The following LRRC7 variants were observed in gnomAD, a reference collection of about 807,000 sequenced individuals.
LRRC7 encodes the protein leucine rich repeat containing 7, also known as leucine-rich repeat-containing protein 7.
A neutral mutation model predicts 175.7 loss-of-function variants in LRRC7; 23 were observed. That is an observed-to-expected ratio of 0.13 (90% CI 0.09 to 0.19). LRRC7 has a LOEUF of 0.19. Ranked by LOEUF, LRRC7 falls within the 10% of genes least tolerant of loss-of-function variation. The probability of loss-of-function intolerance (pLI) is 1.00; values close to 1 mark genes in which losing one functional copy is unlikely to be tolerated. For synonymous variants in LRRC7, 685 were observed against 680.9 expected (o/e 1.01, Z -0.09); for missense variants, 1,354 against 1,904.7 (o/e 0.71, Z 5.38).
intron 4 of LRRC7, among the ~76,000 whole-genome samples, chr1:69,822,412 C>A (rs185161632): frequency 1.3e-5 from 2 of 152,310 alleles, no homozygotes; most frequent in Admixed American, 1.3e-4. Context: ...TGGTGGTCCA[C>A]AGGTGAGGCA....
chr1:70,133,224 TTTTG>T lies in LRRC7; in HGVS notation c.*11347_*11350del, dbSNP rs1666745367. On this transcript the variant is annotated 3_prime_UTR_variant, in exon 27 of 27. Transcript: ENST00000651989. Reference sequence around the variant, plus strand: ...GATTTTTGTTGTTGTCGTGGGTGTTTTTTGTTTGTTTGTATTGAGACAGTGTCGC... The same window carrying T: ...GATTTTTGTTGTTGTCGTGGGTGTTTTTTGTTTGTATTGAGACAGTGTCGC... Among the ~76,000 whole-genome samples, 1 of 151,976 alleles carries T rather than the reference TTTTG, an allele frequency of 6.6e-6. No homozygotes were observed. Among genetic ancestry groups the T allele is most frequent in the Non-Finnish European group, 1.5e-5 (1 of 68,000 alleles).
intron 1 of LRRC7, among the ~76,000 whole-genome samples, chr1:69,661,526 G>C (rs1484488352): frequency 6.6e-6 from 1 of 152,096 alleles, no homozygotes. Context: ...AAAAAATGCT[G>C]AATATCTTTT....
chr1:69,597,570 T>C (rs555237392), intron 1 of LRRC7, among the ~76,000 whole-genome samples: 27 of 152,280 alleles, frequency 1.8e-4, no homozygotes, highest in African/African-American at 6.3e-4. Context: ...ATCTTCCAGA[T>C]GGAATTTGAA....
rs1243980887 is a variant in LRRC7, at chr1:70,098,876, A to G, written c.4546-8876A>G. Among the ~76,000 whole-genome samples the G allele has an allele frequency of 3.9e-5, 6 of 152,170 alleles. No individual in the cohort carries two copies. In the South Asian group the frequency reaches 6.2e-4, roughly 16 times the overall value. ...TCCAGGACCAGATGGATTCACAGCC[A>G]AATTCTACCAGAGGTACACGGAGGA... is the stretch of plus-strand genomic sequence containing the variant. On this transcript the variant is annotated intron_variant, in intron 25 of 26. Transcript: ENST00000651989.
At chr1:70,016,103 A>G (rs373449781) in intron 13 of LRRC7, among the ~76,000 whole-genome samples, 1 of 152,158 alleles carries the variant, frequency 6.6e-6, no homozygotes, top group South Asian at 2.1e-4. Flanking sequence ...GGATTCAGTA[A>G]AGTGAAGTAA....
chr1:69,826,272 T>C (rs1055732643), intron 5 of LRRC7, among the ~76,000 whole-genome samples: 3 of 152,114 alleles, frequency 2.0e-5, no homozygotes, highest in Non-Finnish European at 4.4e-5. Context: ...AAAGTACTTG[T>C]ATACCAGAGA....
intron 25 of LRRC7, among the ~76,000 whole-genome samples, chr1:70,104,180 A>G (rs996755022): frequency 6.6e-6 from 1 of 152,254 alleles, no homozygotes; most frequent in African/African-American, 2.4e-5. Flanking sequence ...GAATACAAAC[A>G]GACTGATTAT....
At chr1:70,034,834 GT>G in intron 18 of LRRC7, among the ~76,000 whole-genome samples, 1 of 152,218 alleles carries the variant, frequency 6.6e-6, no homozygotes, top group South Asian at 2.1e-4. Flanking sequence ...ATATACCCAG[GT>G]TTTTCAGGCA....
intron 1 of LRRC7, among the ~76,000 whole-genome samples, chr1:69,666,224 G>A (rs227122): frequency 0.67 from 101,384 of 151,956 alleles, 34,252 homozygotes; most frequent in African/African-American, 0.76. Flanking sequence ...AATTTGGTTC[G>A]CTAGTATTTT....
At chr1:70,088,324 A>G (rs1455185906) in intron 24 of LRRC7, among the ~76,000 whole-genome samples, 1 of 152,164 alleles carries the variant, frequency 6.6e-6, no homozygotes, top group African/African-American at 2.4e-5. Flanking sequence ...TGGGAGGCCA[A>G]GGTGGGAGAA....
chr1:69,675,795 C>T (rs917027599), intron 1 of LRRC7, among the ~76,000 whole-genome samples: 5 of 152,052 alleles, frequency 3.3e-5, no homozygotes, highest in African/African-American at 9.7e-5. Flanking sequence ...CCCCGCCCCC[C>T]ACACGCACAC....
At chr1:69,792,639 CCTAA>C (rs1252320835) in intron 4 of LRRC7, among the ~76,000 whole-genome samples, 1 of 152,102 alleles carries the variant, frequency 6.6e-6, no homozygotes, top group Admixed American at 6.5e-5. Context: ...TATATTTTCT[CCTAA>C]CTGAGAATGT....
intron 26 of LRRC7, among the ~76,000 whole-genome samples, chr1:70,115,113 T>C (rs955126895): frequency 7.9e-5 from 12 of 152,192 alleles, no homozygotes; most frequent in African/African-American, 2.7e-4. Flanking sequence ...ACATATGCCA[T>C]AGTAAACTGT....
intron 3 of LRRC7, among the ~76,000 whole-genome samples, chr1:69,780,995 A>G (rs919842345): frequency 3.3e-5 from 5 of 152,160 alleles, no homozygotes; most frequent in Admixed American, 2.6e-4. Flanking sequence ...AGCTAATTTT[A>G]TTTTTTCTAA....
chr1:69,753,013 T>A (rs1417441), intron 2 of LRRC7, among the ~76,000 whole-genome samples: 109,395 of 152,014 alleles, frequency 0.72, 39,729 homozygotes, highest in East Asian at 0.92. Flanking sequence ...AATACTGCAT[T>A]TAAAGCAATG....
chr1:69,678,394 A>G lies in LRRC7; in HGVS notation c.16A>G (p.Ile6Val). 6.3e-7 allele frequency: 1 copy of G among 1,596,454 alleles called. No individual in the cohort carries two copies. Among genetic ancestry groups the G allele is most frequent in the Non-Finnish European group, 8.5e-7 (1 of 1,171,050 alleles). ...TCTCTCTTATAGGATGGAGAACCTA[A>G]TAAGGGGAAGGAATCCCCCGCAATA... is the stretch of plus-strand genomic sequence containing the variant. Reference protein sequence around the residue: MMENLIRGRNPPQYQR... With the variant: MMENLVRGRNPPQYQR... Residue 6 changes from isoleucine (I) to valine (V), a missense_variant, in exon 2 of 27, where the codon ATA becomes GTA. Ile to Val is a conservative substitution (Grantham distance 29). Coordinates refer to ENST00000651989, the MANE Select transcript of LRRC7 (RefSeq NM_001370785.2).
intron 26 of LRRC7, among the ~76,000 whole-genome samples, chr1:70,109,082 C>T (rs1042751698): frequency 5.3e-5 from 8 of 152,120 alleles, no homozygotes; most frequent in Non-Finnish European, 1.2e-4. Flanking sequence ...AGTGCAATGG[C>T]ACGATCTCGG....
rs374568190 is a variant in LRRC7 at position 69,825,710 on chromosome 1, G to A, written c.422-38G>A. Reference sequence around the variant, plus strand: ...AACTATAGTTTAAAGAATATTTGTTGGAACATTTTCATGTACTTTGTTTTT... The same window carrying A: ...AACTATAGTTTAAAGAATATTTGTTAGAACATTTTCATGTACTTTGTTTTT... On this transcript the variant is annotated intron_variant, in intron 4 of 26. Coordinates refer to ENST00000651989, the MANE Select transcript of LRRC7 (RefSeq NM_001370785.2). 2.3e-5 allele frequency: 31 copies of A among 1,333,784 alleles called. No individual in the cohort carries two copies. In the African/African-American group the frequency reaches 3.8e-4, roughly 16 times the overall value. The allele number at this position is 1,333,784 out of a possible 1,614,324, so 82.6% of individuals were successfully genotyped here.
At chr1:69,969,990 T>C (rs1266738551) in intron 8 of LRRC7, among the ~76,000 whole-genome samples, 3 of 152,020 alleles carry the variant, frequency 2.0e-5, no homozygotes, top group Non-Finnish European at 4.4e-5. Flanking sequence ...TTCAAAACCA[T>C]GCAAATACAT....
Sources: allele counts gnomAD v4.1 joint callset (sites outside exome capture counted in the v4.1 genomes callset), GRCh38; gene constraint gnomAD v4.1.1; transcripts MANE v1.5; gene names NCBI Gene and HGNC (gene_info 2026-07-23, HGNC 2026-07-21).